Variants in ARMC9 observed in about 807,000 individuals in gnomAD.
ARMC9 encodes lisH domain-containing protein ARMC9.
Under a neutral mutation model 107.0 loss-of-function variants are expected in ARMC9, and 94 were observed. The ratio of observed to expected loss-of-function variants is 0.88; its 90% CI spans 0.74 to 1.04. The LOEUF is 1.04. Among genes scored for constraint, ARMC9 ranks in the 50% least tolerant of loss-of-function variants. The pLI, the probability that ARMC9 is intolerant of heterozygous loss-of-function variation, is 0.00. For missense variants in ARMC9, 942 were observed against 1,030.1 expected (o/e 0.91, Z 1.17); for synonymous variants, 380 against 396.9 (o/e 0.96, Z 0.51).
rs994099917 is a variant in ARMC9 at position 231,355,942 on chromosome 2, T to C, written c.2131+8T>C. 4 of 1,534,154 alleles carry C rather than the reference T, an allele frequency of 2.6e-6. No individual in the cohort carries two copies. In the Admixed American group the frequency reaches 5.9e-5, roughly 23 times the overall value. ...CCTGCGTCTCCTCTTCATGTAAGAA[T>C]GTGGGCAGCACACTGGGTCAGTTCT... On this transcript the variant is annotated splice_region_variant and intron_variant, in intron 22 of 24. Transcript: ENST00000611582.
intron 18 of ARMC9, among the ~76,000 whole-genome samples, chr2:231,291,877 C>T (rs1311967493): frequency 1.3e-5 from 2 of 150,970 alleles, no homozygotes; most frequent in African/African-American, 4.9e-5. Flanking sequence ...GACAAAAGTT[C>T]AGCCAGGTAG....
intron 17 of ARMC9, among the ~76,000 whole-genome samples, 190 bp downstream of exon 17, chr2:231,282,323 G>C (rs908263865): frequency 2.6e-5 from 4 of 152,182 alleles, no homozygotes; most frequent in African/African-American, 9.7e-5. Flanking sequence ...AGATCCTCAA[G>C]GGGATCCCTA....
chr2:231,323,400 T>C (rs1392637049), intron 19 of ARMC9, among the ~76,000 whole-genome samples: 4 of 152,196 alleles, frequency 2.6e-5, no homozygotes, highest in Non-Finnish European at 4.4e-5. Flanking sequence ...GCTTCATTGC[T>C]GGGAGGTTCT....
At position 231,269,398 on chromosome 2, in the gene ARMC9, C is replaced by CTTTT. The variant is rs773618086; in HGVS notation, c.1120-1566_1120-1563dup. On this transcript the variant is annotated intron_variant, in intron 12 of 24. Coordinates refer to ENST00000611582, the MANE Select transcript of ARMC9 (RefSeq NM_001352754.2). Reference sequence around the variant, plus strand: ...TCTTTAGGAGATTTCTTTTCTTCTTCTTTTTTTTTTTTTTTTTTTTTGAGA... The same window carrying CTTTT: ...TCTTTAGGAGATTTCTTTTCTTCTTCTTTTTTTTTTTTTTTTTTTTTTTTTGAGA... 2.3e-3 allele frequency among the ~76,000 whole-genome samples: 254 copies of CTTTT among 112,338 alleles called. 2 individuals are homozygous for CTTTT. Among genetic ancestry groups the CTTTT allele is most frequent in the Middle Eastern group, 0.011 (2 of 190 alleles). 73.7% of individuals were successfully genotyped at this position (112,338 alleles called of 152,430 possible).
chr2:231,273,842 C>T (rs929800646), intron 14 of ARMC9, among the ~76,000 whole-genome samples: 3 of 152,180 alleles, frequency 2.0e-5, no homozygotes, highest in Non-Finnish European at 4.4e-5. Context: ...TCACCACAAT[C>T]CAGGTTTAGC....
chr2:231,235,829 A>T (rs1477953565), intron 8 of ARMC9, among the ~76,000 whole-genome samples: 1 of 152,186 alleles, frequency 6.6e-6, no homozygotes, highest in East Asian at 1.9e-4. Flanking sequence ...TTTAGTAGAG[A>T]CAGGGTTTCT....
chr2:231,227,703 A>G (rs1013442247), intron 7 of ARMC9, among the ~76,000 whole-genome samples: 16 of 152,232 alleles, frequency 1.1e-4, no homozygotes, highest in African/African-American at 2.2e-4. Context: ...CAGATAAGCA[A>G]TGGGGTTTGT....
At chr2:231,226,246 A>T (rs1219491455) in intron 6 of ARMC9, among the ~76,000 whole-genome samples, 3 of 152,238 alleles carry the variant, frequency 2.0e-5, no homozygotes, top group African/African-American at 7.2e-5. Context: ...AAATTAAGGG[A>T]AAAGAAACAT....
intron 12 of ARMC9, among the ~76,000 whole-genome samples, chr2:231,264,064 G>A (rs1261342506): frequency 1.3e-5 from 2 of 152,158 alleles, no homozygotes; most frequent in African/African-American, 4.8e-5. Context: ...TGTGTCCTCT[G>A]ATGAAAGGTG....
intron 3 of ARMC9, 64 bp downstream of exon 3, chr2:231,208,316 G>T: frequency 7.6e-7 from 1 of 1,314,506 alleles, no homozygotes; most frequent in South Asian, 1.2e-5. Flanking sequence ...TGTGGAAAAT[G>T]CTGCTGTTGG....
intron 20 of ARMC9, among the ~76,000 whole-genome samples, chr2:231,332,326 G>GAA (rs1478265348): frequency 6.6e-6 from 1 of 151,754 alleles, no homozygotes; most frequent in African/African-American, 2.4e-5. Flanking sequence ...AGTGTGGAGA[G>GAA]AGAGTGGGGG....
intron 20 of ARMC9, among the ~76,000 whole-genome samples, chr2:231,336,634 A>G (rs2044109514): frequency 6.6e-6 from 1 of 152,156 alleles, no homozygotes; most frequent in South Asian, 2.1e-4. Context: ...CTCCCTTTCC[A>G]CACTTCCTTT....
intron 20 of ARMC9, 88 bp from the exon 21 acceptor site, chr2:231,344,887 G>A (rs893148988): frequency 8.3e-6 from 10 of 1,198,070 alleles, no homozygotes; most frequent in Non-Finnish European, 1.1e-5. Flanking sequence ...TCATTATAGA[G>A]TAGTTTATTC....
intron 16 of ARMC9, among the ~76,000 whole-genome samples, chr2:231,278,946 G>A (rs1366067512): frequency 6.6e-6 from 1 of 152,172 alleles, no homozygotes; most frequent in East Asian, 1.9e-4. Context: ...TTCATTAAGT[G>A]TCACTACTGC....
At chr2:231,365,754 C>T (rs1429508233) in intron 23 of ARMC9, among the ~76,000 whole-genome samples, 1 of 152,152 alleles carries the variant, frequency 6.6e-6, no homozygotes, top group Non-Finnish European at 1.5e-5. Flanking sequence ...ACACACTTGG[C>T]GACACGTCTC....
chr2:231,226,772 A>G lies in ARMC9; in HGVS notation c.598-2A>G, dbSNP rs375762122. On this transcript the variant is annotated splice_acceptor_variant, in intron 6 of 24. Transcript: ENST00000611582. LOFTEE classifies it high-confidence loss of function. ...TTTTCCTGAACTTCTTTTTCATCCC[A>G]GAAGGAGAATGGACAAAGTAACAAA... The G allele has an allele frequency of 9.3e-6, 15 of 1,613,622 alleles. No homozygotes were observed. In the Middle Eastern group the frequency reaches 4.9e-4, roughly 53 times the overall value.
intron 12 of ARMC9, among the ~76,000 whole-genome samples, chr2:231,268,683 T>G (rs1162135643): frequency 6.6e-6 from 1 of 152,246 alleles, no homozygotes; most frequent in Non-Finnish European, 1.5e-5. Context: ...ATTCTTCGTA[T>G]AGAATCCTGG....
intron 15 of ARMC9, among the ~76,000 whole-genome samples, chr2:231,277,638 G>A (rs965381229): frequency 6.6e-6 from 1 of 151,130 alleles, no homozygotes; most frequent in Non-Finnish European, 1.5e-5. Flanking sequence ...TGGCTCAGTG[G>A]TGCAACCTCT....
chr2:231,324,860 G>T (rs2043224857), intron 19 of ARMC9, among the ~76,000 whole-genome samples: 1 of 151,994 alleles, frequency 6.6e-6, no homozygotes, highest in Non-Finnish European at 1.5e-5. Flanking sequence ...GATCGCTTGA[G>T]CCCAGGAGTT....
Sources: allele counts gnomAD v4.1 joint callset (sites outside exome capture counted in the v4.1 genomes callset), GRCh38; gene constraint gnomAD v4.1.1; transcripts MANE v1.5; gene names NCBI Gene and HGNC (gene_info 2026-07-23, HGNC 2026-07-21).